Variants in ADK observed in about 807,000 individuals in gnomAD.
ADK encodes the protein adenosine kinase, also known as N6,N6-dimethyladenosine kinase.
ADK carries 24 observed loss-of-function variants against 44.7 expected under a neutral mutation model. The observed-to-expected ratio is 0.54, with a 90% CI of 0.39 to 0.76. ADK has a LOEUF of 0.76. Ranked by LOEUF, ADK falls within the 30% of genes least tolerant of loss-of-function variation. The pLI is 0.00. For synonymous variants in ADK, 128 were observed against 142.6 expected, an observed-to-expected ratio of 0.90 and a Z score of 0.73; for missense variants, 321 against 425.1, an observed-to-expected ratio of 0.76 and a Z score of 2.15.
intron 6 of ADK, among the ~76,000 whole-genome samples, chr10:74,432,610 C>T (rs907220269): frequency 6.6e-6 from 1 of 152,072 alleles, no homozygotes; most frequent in African/African-American, 2.4e-5. Context: ...TCCATGCATA[C>T]AATTCAATTT....
intron 1 of ADK, chr10:74,176,709 C>A (rs552652204): frequency 2.7e-6 from 4 of 1,471,066 alleles, no homozygotes; most frequent in Non-Finnish European, 3.6e-6. Flanking sequence ...ATCAGCACGC[C>A]GGGCCGGCTA....
Position 74,407,518 on chromosome 10 carries a change from A to G in ADK, c.555+8939A>G, listed in dbSNP as rs74512687. On this transcript the variant is annotated intron_variant, in intron 6 of 10. Coordinates refer to ENST00000539909, the MANE Select transcript of ADK (RefSeq NM_006721.4). ...TTTTTTTTAATCTGATTACCTTGGT[A>G]TTGGTTTTTCCTGATTACCTGGGTA... Among the ~76,000 whole-genome samples, 217 of 152,134 alleles carry G rather than the reference A, an allele frequency of 1.4e-3. 3 individuals are homozygous for G. Among genetic ancestry groups the G allele is most frequent in the Non-Finnish European group, 1.7e-3 (117 of 67,992 alleles).
At chr10:74,549,716 C>G (rs1047890842) in intron 7 of ADK, among the ~76,000 whole-genome samples, 1 of 152,194 alleles carries the variant, frequency 6.6e-6, no homozygotes, top group Admixed American at 6.5e-5. Context: ...GGATTACAGG[C>G]ATAAGCCCTG....
intron 6 of ADK, among the ~76,000 whole-genome samples, chr10:74,479,476 C>T (rs1846988337): frequency 6.7e-6 from 1 of 149,734 alleles, no homozygotes; most frequent in African/African-American, 2.5e-5. Context: ...TGTCTCTTTG[C>T]CATACAGCAG....
intron 6 of ADK, among the ~76,000 whole-genome samples, chr10:74,522,812 G>C (rs1848890678): frequency 6.6e-6 from 1 of 151,852 alleles, no homozygotes; most frequent in East Asian, 1.9e-4. Context: ...AGTTTCCAGT[G>C]CTCCCACTTC....
intron 6 of ADK, among the ~76,000 whole-genome samples, chr10:74,495,289 AT>A (rs200476319): frequency 1.4e-4 from 20 of 145,850 alleles, no homozygotes; most frequent in South Asian, 2.2e-4. Context: ...TTTCTTTTTG[AT>A]TTTTTTTTCC....
chr10:74,682,145 G>T (rs910483798), intron 10 of ADK, among the ~76,000 whole-genome samples: 2 of 151,586 alleles, frequency 1.3e-5, no homozygotes, highest in Admixed American at 6.6e-5. Flanking sequence ...AAAGGGATTA[G>T]GGTGAAAGGG....
At chr10:74,460,254 C>A (rs1172313035) in intron 6 of ADK, among the ~76,000 whole-genome samples, 2 of 152,100 alleles carry the variant, frequency 1.3e-5, no homozygotes, top group Non-Finnish European at 2.9e-5. Context: ...GTTGTGATTT[C>A]TCTGTATACC....
intron 6 of ADK, among the ~76,000 whole-genome samples, chr10:74,466,066 T>C (rs1230396393): frequency 6.6e-6 from 1 of 152,170 alleles, no homozygotes; most frequent in Non-Finnish European, 1.5e-5. Context: ...TGTATAATGT[T>C]TTTTTGTCTC....
Position 74,480,428 on chromosome 10 carries a change from G to T in ADK, c.556-44828G>T, listed in dbSNP as rs1366295072. Among the ~76,000 whole-genome samples the T allele has an allele frequency of 2.6e-5, 4 of 151,544 alleles. No homozygotes were observed. The South Asian group carries it at 6.3e-4, about 24-fold the overall frequency. On this transcript the variant is annotated intron_variant, in intron 6 of 10. Transcript: ENST00000539909. ...TTTTTTGTTGTTTATTTGTTTGGTT[G>T]GTTGGTTGGTTTTGTTTTTGTTTGT...
At chr10:74,387,293 G>C (rs527629949) in intron 4 of ADK, among the ~76,000 whole-genome samples, 1 of 152,152 alleles carries the variant, frequency 6.6e-6, no homozygotes, top group African/African-American at 2.4e-5. Context: ...TATACTGTGC[G>C]AAACTGAATC....
chr10:74,387,209 A>T (rs1843174819), intron 4 of ADK, among the ~76,000 whole-genome samples: 1 of 152,228 alleles, frequency 6.6e-6, no homozygotes, highest in Admixed American at 6.5e-5. Context: ...TGCTGGGATT[A>T]CAGGCGTGAG....
chr10:74,567,470 C>T (rs989124622), intron 7 of ADK, among the ~76,000 whole-genome samples: 1 of 152,082 alleles, frequency 6.6e-6, no homozygotes, highest in Non-Finnish European at 1.5e-5. Flanking sequence ...CTAAATCTGC[C>T]TTTCAAATCT....
intron 6 of ADK, among the ~76,000 whole-genome samples, chr10:74,496,974 C>T (rs1185132976): frequency 6.6e-6 from 1 of 151,968 alleles, no homozygotes; most frequent in Non-Finnish European, 1.5e-5. Context: ...CTCCTCCTCT[C>T]TCATTTTTTT....
At chr10:74,403,476 T>C (rs2132889667) in intron 6 of ADK, among the ~76,000 whole-genome samples, 1 of 152,242 alleles carries the variant, frequency 6.6e-6, no homozygotes, top group East Asian at 1.9e-4. Context: ...ACTGCTTCCC[T>C]GCAGTTGATC....
At chr10:74,541,540 G>A (rs1849625979) in intron 7 of ADK, among the ~76,000 whole-genome samples, 1 of 151,966 alleles carries the variant, frequency 6.6e-6, no homozygotes, top group Admixed American at 6.6e-5. Flanking sequence ...TTTGTAGAAT[G>A]CCCTTCAGTG....
chr10:74,257,867 T>C (rs920077508), intron 3 of ADK, among the ~76,000 whole-genome samples: 4 of 152,324 alleles, frequency 2.6e-5, no homozygotes, highest in African/African-American at 9.6e-5. Context: ...TGCAAACTTA[T>C]TGTCTCTGTG....
intron 6 of ADK, among the ~76,000 whole-genome samples, chr10:74,431,844 T>A (rs1417457653): frequency 1.3e-5 from 2 of 152,012 alleles, no homozygotes; most frequent in Non-Finnish European, 2.9e-5. Flanking sequence ...ATCTCTTTAG[T>A]AGGGACCTGA....
chr10:74,176,733 C>G (rs754737495), intron 1 of ADK: 2 of 1,503,994 alleles, frequency 1.3e-6, no homozygotes, highest in African/African-American at 2.7e-5. Context: ...AGGGGCCGCC[C>G]GCGCGCGGGG....
Sources: allele counts gnomAD v4.1 joint callset (sites outside exome capture counted in the v4.1 genomes callset), GRCh38; gene constraint gnomAD v4.1.1; transcripts MANE v1.5; gene names NCBI Gene and HGNC (gene_info 2026-07-23, HGNC 2026-07-21).